The following DOCK4 variants were observed in gnomAD, a reference collection of about 807,000 sequenced individuals.
DOCK4 encodes the protein dedicator of cytokinesis protein 4.
In DOCK4, 97 loss-of-function variants were observed where a neutral mutation model predicts 268.1. The ratio of observed to expected loss-of-function variants is 0.36; its 90% confidence interval spans 0.31 to 0.43. The LOEUF (loss-of-function observed/expected upper bound fraction) is 0.43, where lower values mean the gene tolerates loss of function less well. Ranked by LOEUF, DOCK4 falls within the 20% of genes least tolerant of loss-of-function variation. DOCK4 has a pLI of 1.00. For missense variants in DOCK4, 2,145 were observed against 2,455.7 expected (o/e 0.87, Z 2.67); for synonymous variants, 954 against 887.2 (o/e 1.08, Z -1.34).
chr7:112,175,885 A>G (rs1447975146), intron 1 of DOCK4, among the ~76,000 whole-genome samples: 2 of 152,220 alleles, frequency 1.3e-5, no homozygotes, highest in African/African-American at 2.4e-5. Context: ...GTGTGCTATA[A>G]TAACTTTCCT....
At chr7:111,962,062 T>A (rs899732129) in intron 8 of DOCK4, among the ~76,000 whole-genome samples, 1 of 152,228 alleles carries the variant, frequency 6.6e-6, no homozygotes, top group Non-Finnish European at 1.5e-5. Context: ...ACATATTTTG[T>A]CATATTTTCT....
chr7:111,822,425 C>T lies in DOCK4; in HGVS notation c.2867G>A (p.Arg956Gln), dbSNP rs749332354. ...AAACATCTCCGGGCGTATCAATATT[C>T]GGAACACAGTAAATATCTGCAGCAG... ...DFLLQIFTVFRILIRPEMFPK... is the reference protein window; with the variant it reads ...DFLLQIFTVFQILIRPEMFPK... The change falls in exon 27 of 53, where the codon CGA becomes CAA. Residue 956 changes from arginine to glutamine, a missense_variant. By Grantham distance (43) the Arg-to-Gln change is conservative. This residue lies in a region of DOCK4 where 1,598 missense variants were observed against 1,986.7 expected (regional missense o/e 0.80). Coordinates refer to ENST00000428084, the MANE Select transcript of DOCK4 (RefSeq NM_001363540.2). 6.7e-5 allele frequency: 108 copies of T among 1,613,266 alleles called. 1 individual carries two copies. The South Asian group carries it at 7.6e-4, about 11-fold the overall frequency.
At chr7:112,132,855 G>A (rs1324531790) in intron 1 of DOCK4, among the ~76,000 whole-genome samples, 4 of 152,108 alleles carry the variant, frequency 2.6e-5, no homozygotes, top group Admixed American at 1.3e-4. Context: ...ACCCACTTTC[G>A]CTGCAGGATT....
chr7:111,894,249 A>G (rs1434118725), intron 16 of DOCK4, among the ~76,000 whole-genome samples: 2 of 152,130 alleles, frequency 1.3e-5, no homozygotes, highest in Non-Finnish European at 2.9e-5. Context: ...AGAAAAAAAG[A>G]AAATACCAGG....
intron 44 of DOCK4, among the ~76,000 whole-genome samples, chr7:111,744,711 A>G (rs2133461136): frequency 6.6e-6 from 1 of 152,356 alleles, no homozygotes; most frequent in East Asian, 1.9e-4. Context: ...TCATTGCATA[A>G]TCCTAAGTAA....
At position 111,739,411 on chromosome 7, in the gene DOCK4, G is replaced by A; in HGVS notation, c.5107C>T (p.Pro1703Ser). The change falls in exon 48 of 53, where the codon CCA becomes TCA. Residue 1703 changes from proline (P) to serine (S), a missense_variant. Coordinates refer to ENST00000428084, the MANE Select transcript of DOCK4 (RefSeq NM_001363540.2). ...SASPNVTSSAPSSARASPLLS... is the reference protein window; with the variant it reads ...SASPNVTSSASSSARASPLLS... The stretch of plus-strand genomic sequence containing the variant: ...TGGCACTGACCTCTGGCACTCGATG[G>A]AGCAGAACTTGTCACATTAGGTGAA... 1 of 1,587,020 alleles carries A rather than the reference G, an allele frequency of 6.3e-7. No homozygotes were observed. Among genetic ancestry groups the A allele is most frequent in the Admixed American group, 1.8e-5 (1 of 55,282 alleles).
In DOCK4 at chr7:111,760,738, T is replaced by TTGTGTGTG. The variant is rs3997406; in HGVS notation, c.4021-424_4021-417dup. On this transcript the variant is annotated intron_variant, in intron 39 of 52. Transcript: ENST00000428084. ...GAAAAGTAAATTTGTTGTCTGCTTT[T>TTGTGTGTG]TGTGTGTGTGTGTGTGTGTGTGTGT... is the stretch of plus-strand genomic sequence containing the variant. 9.9e-3 allele frequency among the ~76,000 whole-genome samples: 1,350 copies of TTGTGTGTG among 136,946 alleles called. 22 individuals are homozygous for TTGTGTGTG. The highest frequency in any genetic ancestry group is 0.035 in the African/African-American group (1,252 of 35,644). The allele number at this position is 136,946 out of a possible 152,430, so 89.8% of individuals were successfully genotyped here.
intron 10 of DOCK4, 90 bp downstream of exon 10, chr7:111,944,721 G>T: frequency 8.1e-7 from 1 of 1,235,186 alleles, no homozygotes; most frequent in South Asian, 1.3e-5. Flanking sequence ...TTCTGATTCA[G>T]ACAGCAATAA....
intron 1 of DOCK4, among the ~76,000 whole-genome samples, chr7:112,095,569 C>T (rs1319889487): frequency 6.6e-6 from 1 of 152,082 alleles, no homozygotes; most frequent in East Asian, 1.9e-4. Context: ...GGTGATAACT[C>T]TATCAAAAAA....
At chr7:111,775,596 T>C (rs1478670961) in intron 36 of DOCK4, among the ~76,000 whole-genome samples, 1 of 152,208 alleles carries the variant, frequency 6.6e-6, no homozygotes, top group Non-Finnish European at 1.5e-5. Context: ...ACTTCCCTGT[T>C]TCCTGGAACT....
intron 6 of DOCK4, among the ~76,000 whole-genome samples, chr7:111,987,463 CAG>C (rs78822293): frequency 2.0e-5 from 3 of 151,796 alleles, no homozygotes; most frequent in Non-Finnish European, 2.9e-5. Flanking sequence ...CAAAATAATT[CAG>C]AGTCCTCAAA....
chr7:111,876,790 A>G (rs994762054), intron 17 of DOCK4, among the ~76,000 whole-genome samples: 1 of 92,468 alleles, frequency 1.1e-5, no homozygotes, highest in African/African-American at 4.2e-5. Flanking sequence ...TTGATGGTTT[A>G]TTTAAAAAGT....
intron 23 of DOCK4, chr7:111,863,136 C>T: frequency 2.0e-6 from 1 of 502,922 alleles, no homozygotes; most frequent in South Asian, 2.1e-5. Context: ...GTGTTAAATC[C>T]CATTAAACAT....
At chr7:111,728,765 C>T (rs908340676) in intron 52 of DOCK4, 45 bp from the exon 53 acceptor site, 2 of 1,534,304 alleles carry the variant, frequency 1.3e-6, no homozygotes, top group South Asian at 1.2e-5. Flanking sequence ...AGCATTGAGT[C>T]GTGAACGCAG....
intron 1 of DOCK4, among the ~76,000 whole-genome samples, chr7:112,163,616 G>C (rs942392041): frequency 2.0e-5 from 3 of 152,092 alleles, no homozygotes; most frequent in Non-Finnish European, 4.4e-5. Context: ...ATAGAGCATA[G>C]TATAGGCAAG....
At chr7:112,076,270 G>A (rs1247399986) in intron 1 of DOCK4, among the ~76,000 whole-genome samples, 1 of 151,906 alleles carries the variant, frequency 6.6e-6, no homozygotes, top group Non-Finnish European at 1.5e-5. Flanking sequence ...AATGTTTGCT[G>A]GTTTGAGTTA....
intron 16 of DOCK4, among the ~76,000 whole-genome samples, chr7:111,894,050 C>T (rs1306544422): frequency 2.0e-5 from 3 of 151,940 alleles, no homozygotes; most frequent in South Asian, 2.1e-4. Context: ...GGTGAAACCC[C>T]GTCTCTACTA....
At chr7:112,068,808 TTCTTGA>T in intron 1 of DOCK4, among the ~76,000 whole-genome samples, 1 of 152,302 alleles carries the variant, frequency 6.6e-6, no homozygotes, top group Admixed American at 6.5e-5. Flanking sequence ...CCCAAGGTAC[TTCTTGA>T]GGATTCAGAG....
intron 24 of DOCK4, among the ~76,000 whole-genome samples, chr7:111,845,635 T>C: frequency 6.6e-6 from 1 of 152,170 alleles, no homozygotes; most frequent in Middle Eastern, 3.2e-3. Context: ...AAAAATACTT[T>C]TAGAAAGTAC....
Sources: gnomAD v4.1 joint callset for allele counts (sites outside exome capture counted in the v4.1 genomes callset) on GRCh38, gnomAD v4.1.1 for gene constraint, gnomAD v4.1.1 regional missense constraint, MANE v1.5 for transcripts, NCBI Gene and HGNC (gene_info 2026-07-23, HGNC 2026-07-21) for gene names.